TMPRSS11E: variants seen among roughly 807,000 people sequenced by gnomAD.
TMPRSS11E encodes the protein transmembrane protease serine 11E.
A neutral mutation model predicts 48.1 loss-of-function variants in TMPRSS11E; 38 were observed. The ratio of observed to expected loss-of-function variants is 0.79; its 90% CI spans 0.61 to 1.04. The LOEUF is 1.04. TMPRSS11E is among the 50% of genes least tolerant of loss of function. TMPRSS11E has a pLI of 0.00. For missense variants in TMPRSS11E, 530 were observed against 510.8 expected (o/e 1.04, Z -0.36); for synonymous variants, 158 against 171.9 (o/e 0.92, Z 0.63).
At chr4:68,474,796 T>A (rs952545719) in intron 6 of TMPRSS11E, 35 bp downstream of exon 6, 2 of 1,562,680 alleles carry the variant, frequency 1.3e-6, no homozygotes, top group South Asian at 2.4e-5. Context: ...TAGCATTACC[T>A]GAAGGTAAAA....
chr4:68,473,413 C>T (rs1729126795), intron 5 of TMPRSS11E, among the ~76,000 whole-genome samples: 1 of 152,076 alleles, frequency 6.6e-6, no homozygotes, highest in Admixed American at 6.6e-5. Context: ...GCACACTTAC[C>T]TTGTACTTGC....
chr4:68,465,727 G>A (rs1210760087), intron 2 of TMPRSS11E, among the ~76,000 whole-genome samples: 2 of 152,124 alleles, frequency 1.3e-5, no homozygotes, highest in Non-Finnish European at 2.9e-5. Context: ...GTGACTGGAT[G>A]AGCCACAGTC....
chr4:68,451,967 TG>T (rs2109659437), intron 1 of TMPRSS11E, among the ~76,000 whole-genome samples: 1 of 152,104 alleles, frequency 6.6e-6, no homozygotes, highest in East Asian at 1.9e-4. Flanking sequence ...ACTGACTTAC[TG>T]TCTTAAAAGG....
At chr4:68,471,331 TTTCTC>T (rs1295347095) in intron 4 of TMPRSS11E, 124 bp from the exon 5 acceptor site, 3 of 577,660 alleles carry the variant, frequency 5.2e-6, no homozygotes, top group Admixed American at 6.9e-5. Context: ...CTTCCTTCCT[TTTCTC>T]TTTTCTTTCT....
Position 68,451,541 on chromosome 4 carries a change from A to C in TMPRSS11E, c.11+4018A>C, listed in dbSNP as rs574504428. ...TACTATACAGGCATATTTAAATTCT[A>C]TTTTGCAACCTTTTATCTGAAAATG... On this transcript the variant is annotated intron_variant, in intron 1 of 9. Coordinates refer to ENST00000305363, the MANE Select transcript of TMPRSS11E (RefSeq NM_014058.4). Among the ~76,000 whole-genome samples the C allele has an allele frequency of 4.8e-4, 73 of 151,974 alleles. 2 individuals carry two copies. In the South Asian group the frequency reaches 0.015, roughly 31 times the overall value.
intron 7 of TMPRSS11E, among the ~76,000 whole-genome samples, 192 bp downstream of exon 7, chr4:68,476,630 T>A (rs1203521900): frequency 6.6e-6 from 1 of 152,190 alleles, no homozygotes; most frequent in African/African-American, 2.4e-5. Context: ...GGAGTCAAAG[T>A]ATATGTAAAT....
At chr4:68,447,733 T>G (rs540665362) in intron 1 of TMPRSS11E, among the ~76,000 whole-genome samples, 11 of 152,150 alleles carry the variant, frequency 7.2e-5, no homozygotes, top group Admixed American at 1.3e-4. Context: ...TTGTATCCCA[T>G]GTGTTTTTCT....
intron 5 of TMPRSS11E, 68 bp downstream of exon 5, chr4:68,471,691 T>C: frequency 1.5e-6 from 2 of 1,321,694 alleles, no homozygotes; most frequent in Non-Finnish European, 2.0e-6. Context: ...TGGCACTTAT[T>C]AAAAAATTTT....
chr4:68,489,346 G>A (rs1336030138), intron 9 of TMPRSS11E, among the ~76,000 whole-genome samples: 4 of 152,194 alleles, frequency 2.6e-5, no homozygotes, highest in South Asian at 4.2e-4. Flanking sequence ...TGGGTTGGAA[G>A]GAATGAGGTG....
intron 1 of TMPRSS11E, among the ~76,000 whole-genome samples, chr4:68,449,623 T>A (rs1248033609): frequency 6.6e-6 from 1 of 151,784 alleles, no homozygotes; most frequent in Non-Finnish European, 1.5e-5. Context: ...GAAATTCTAA[T>A]GAATCTCTGG....
Position 68,466,685 on chromosome 4 carries a change from T to A in TMPRSS11E, c.191T>A (p.Leu64Gln), listed in dbSNP as rs1728935698. 1.2e-6 allele frequency: 2 copies of A among 1,613,790 alleles called. No homozygotes were observed. Among genetic ancestry groups the A allele is most frequent in the Non-Finnish European group, 1.7e-6 (2 of 1,179,736 alleles). Residue 64 changes from leucine to glutamine, a missense_variant, in exon 3 of 10, where the codon CTA becomes CAA. By Grantham distance (113) the Leu-to-Gln change is moderately radical. Transcript: ENST00000305363. Reference protein sequence around the residue: ...YSTLSFTTDKLYAEFGREASN... With the variant: ...YSTLSFTTDKQYAEFGREASN... ...ACATTGTCATTTACAACTGACAAAC[T>A]ATATGCTGAGTTTGGCAGAGAGGCT...
At chr4:68,474,790 A>G (rs1197285554) in intron 6 of TMPRSS11E, 29 bp downstream of exon 6, 1 of 1,573,368 alleles carries the variant, frequency 6.4e-7, no homozygotes. Flanking sequence ...TTAAAATAGC[A>G]TTACCTGAAG....
intron 9 of TMPRSS11E, among the ~76,000 whole-genome samples, chr4:68,493,648 G>C (rs1264330863): frequency 1.3e-5 from 2 of 152,054 alleles, no homozygotes; most frequent in Non-Finnish European, 2.9e-5. Flanking sequence ...TGTATTTTTA[G>C]TAGAGACAAG....
intron 8 of TMPRSS11E, 130 bp downstream of exon 8, chr4:68,477,758 A>G: frequency 1.7e-6 from 2 of 1,161,448 alleles, no homozygotes; most frequent in South Asian, 3.0e-5. Flanking sequence ...AGGCCCTAAA[A>G]GTGAAGTAAA....
rs537931316 is a variant in TMPRSS11E, at chr4:68,458,867, AATG to A, written c.12-2945_12-2943del. ...TACCACTATTACTAATAATTAAAAT[AATG>A]ATGATGATAATTATCATCCTCGTTA... On this transcript the variant is annotated intron_variant, in intron 1 of 9. Transcript: ENST00000305363. Among the ~76,000 whole-genome samples the A allele has an allele frequency of 1.4e-4, 22 of 152,280 alleles. 1 individual carries two copies. The South Asian group carries it at 4.3e-3, about 30-fold the overall frequency.
chr4:68,474,776 T>C lies in TMPRSS11E; in HGVS notation c.529+15T>C, dbSNP rs750487841. The C allele has an allele frequency of 4.4e-6, 7 of 1,590,300 alleles. No individual in the cohort carries two copies. Among genetic ancestry groups the C allele is most frequent in the Non-Finnish European group, 5.1e-6 (6 of 1,170,848 alleles). ...TCTAAACCATTGTAAGTTTAATATA[T>C]TTATTAAAATAGCATTACCTGAAGG... On this transcript the variant is annotated intron_variant, in intron 6 of 9. Transcript: ENST00000305363.
chr4:68,471,279 C>A (rs1246376677), intron 4 of TMPRSS11E, among the ~76,000 whole-genome samples, 181 bp from the exon 5 acceptor site: 1 of 150,312 alleles, frequency 6.7e-6, no homozygotes, highest in Non-Finnish European at 1.5e-5. Context: ...CCTTCCTCCC[C>A]TCCATTCCCT....
At chr4:68,454,804 C>T (rs1728585134) in intron 1 of TMPRSS11E, among the ~76,000 whole-genome samples, 1 of 151,824 alleles carries the variant, frequency 6.6e-6, no homozygotes, top group African/African-American at 2.4e-5. Flanking sequence ...ACATTTTAAT[C>T]AGGGTCTAGA....
chr4:68,463,100 G>A (rs1728837008), intron 2 of TMPRSS11E, among the ~76,000 whole-genome samples: 1 of 152,142 alleles, frequency 6.6e-6, no homozygotes, highest in East Asian at 1.9e-4. Flanking sequence ...TTTCTTTCCA[G>A]TAACGAGAAA....
Sources: gnomAD v4.1 joint callset for allele counts (sites outside exome capture counted in the v4.1 genomes callset) on GRCh38, gnomAD v4.1.1 for gene constraint, MANE v1.5 for transcripts, NCBI Gene and HGNC (gene_info 2026-07-23, HGNC 2026-07-21) for gene names.